CYP4F12: variants seen among roughly 807,000 people sequenced by gnomAD.
CYP4F12 encodes the protein cytochrome P450 4F12.
In CYP4F12, 60 loss-of-function variants were observed where a neutral mutation model predicts 56.5. The observed-to-expected ratio is 1.06, with a 90% CI of 0.86 to 1.32. The LOEUF (loss-of-function observed/expected upper bound fraction) is 1.32. Ranked by LOEUF, CYP4F12 falls within the 40% of genes most tolerant of loss-of-function variation. The pLI is 0.00. For missense variants in CYP4F12, 711 were observed against 683.5 expected (o/e 1.04, Z -0.45); for synonymous variants, 263 against 264.9 (o/e 0.99, Z 0.07).
At position 15,693,904 on chromosome 19, in the gene CYP4F12, T is replaced by A. The variant is rs1173486474; in HGVS notation, c.1116-2032T>A. ...AGGGATCTAGTTTCAGCTTTCTACA[T>A]ATGGCTAGCCAGTTTTCCCAGCACC... is the stretch of plus-strand genomic sequence containing the variant. On this transcript the variant is annotated intron_variant, in intron 9 of 12. Transcript: ENST00000550308. 2.2e-5 allele frequency among the ~76,000 whole-genome samples: 3 copies of A among 138,694 alleles called. 1 individual carries two copies. The highest frequency in any genetic ancestry group is 5.7e-5 in the African/African-American group (2 of 35,166). 91.0% of individuals were successfully genotyped at this position (138,694 alleles called of 152,430 possible). A position where few individuals can be genotyped will look rare whatever the true frequency, so the allele number is the denominator to read the frequency against.
At chr19:15,683,829 T>C in intron 7 of CYP4F12, 66 bp downstream of exon 7, 1 of 1,484,680 alleles carries the variant, frequency 6.7e-7, no homozygotes, top group Non-Finnish European at 8.9e-7. Flanking sequence ...TCAGGTGAAA[T>C]AAATTGGTTT....
chr19:15,695,517 CAA>C (rs2008085898), intron 9 of CYP4F12, among the ~76,000 whole-genome samples: 1 of 130,684 alleles, frequency 7.7e-6, no homozygotes, highest in Non-Finnish European at 1.7e-5. Flanking sequence ...AAAAAAAAAA[CAA>C]ATTGCATGAC....
rs376069087 is a variant in CYP4F12, at chr19:15,683,547, A to T, written c.702A>T (p.Lys234Asn). 15 of 1,613,580 alleles carry T rather than the reference A, an allele frequency of 9.3e-6. No homozygotes were observed. The African/African-American group carries it at 2.0e-4, about 22-fold the overall frequency. ...TGGAGCTCAGTGCCCTTGTAGAGAAAAGAAGCCAGCATATCCTCCAGCACA... is the reference window on the plus strand; with the variant it reads ...TGGAGCTCAGTGCCCTTGTAGAGAATAGAAGCCAGCATATCCTCCAGCACA... The part of the protein sequence containing the change: ...TILELSALVE[K>N]RSQHILQHMD... The change falls in exon 7 of 13, where the codon AAA becomes AAT. Residue 234 changes from lysine (K) to asparagine (N), a missense_variant. Transcript: ENST00000550308.
intron 6 of CYP4F12, among the ~76,000 whole-genome samples, chr19:15,683,100 G>A (rs986816945): frequency 6.6e-6 from 1 of 152,104 alleles, no homozygotes; most frequent in Middle Eastern, 3.2e-3. Flanking sequence ...GACAGAGAGA[G>A]AGAGAGAGAA....
In CYP4F12 at chr19:15,685,092, T is replaced by C. The variant is rs766823790; in HGVS notation, c.1010T>C (p.Leu337Pro). 3.7e-6 allele frequency: 6 copies of C among 1,613,910 alleles called. No homozygotes were observed. In the South Asian group the frequency reaches 6.6e-5, roughly 18 times the overall value. The change falls in exon 9 of 13, where the codon CTC (leucine) becomes CCC (proline). Residue 337 changes from leucine (L) to proline (P), a missense_variant. Leu to Pro is a moderately conservative substitution (Grantham distance 98, BLOSUM62 -3). Coordinates refer to ENST00000550308, the MANE Select transcript of CYP4F12 (RefSeq NM_023944.4). ...FGGHDTTASG[L>P]SWVLYNLARH... The stretch of plus-strand genomic sequence containing the variant: ...GGCCATGACACCACGGCCAGTGGCC[T>C]CTCCTGGGTCCTGTACAACCTTGCG...
At chr19:15,675,341 G>T (rs1309248529) in intron 2 of CYP4F12, among the ~76,000 whole-genome samples, 1 of 151,958 alleles carries the variant, frequency 6.6e-6, no homozygotes, top group Admixed American at 6.5e-5. Flanking sequence ...CATAAGTGAG[G>T]CTCTCCTAGG....
At position 15,684,843 on chromosome 19, in the gene CYP4F12, G is replaced by A. The variant is rs1194205179; in HGVS notation, c.946G>A (p.Glu316Lys). ...KDEDGKALSD[E>K]DIRAEADTFM... Reference sequence around the variant, plus strand: ...TGAAGATGGGAAGGCATTGTCAGATGAGGATATAAGAGCAGAGGCTGACAC... The same window carrying A: ...TGAAGATGGGAAGGCATTGTCAGATAAGGATATAAGAGCAGAGGCTGACAC... The change falls in exon 8 of 13, where the codon GAG becomes AAG. Residue 316 changes from glutamate to lysine, a missense_variant. Transcript: ENST00000550308. The A allele has an allele frequency of 4.4e-6, 7 of 1,609,104 alleles. No individual in the cohort carries two copies. The South Asian group carries it at 7.7e-5, about 18-fold the overall frequency.
chr19:15,687,279 A>G (rs2007662161), intron 9 of CYP4F12, among the ~76,000 whole-genome samples: 2 of 76,022 alleles, frequency 2.6e-5, no homozygotes, highest in South Asian at 6.7e-4. Flanking sequence ...TCTTTCTCAA[A>G]AAAAAAAAAA....
chr19:15,687,272 T>G (rs112436135), intron 9 of CYP4F12, among the ~76,000 whole-genome samples: 43,621 of 110,594 alleles, frequency 0.39, 7,036 homozygotes, highest in African/African-American at 0.52. Context: ...GTGAGACTCT[T>G]TCTCAAAAAA....
chr19:15,688,655 A>G (rs138020722), intron 9 of CYP4F12, among the ~76,000 whole-genome samples: 59 of 152,334 alleles, frequency 3.9e-4, no homozygotes, highest in Non-Finnish European at 6.5e-4. Context: ...AGTCAAAGCA[A>G]TACCAAGCAA....
chr19:15,684,853 G>T lies in CYP4F12; in HGVS notation c.956G>T (p.Arg319Ile). Reference sequence around the variant, plus strand: ...AAGGCATTGTCAGATGAGGATATAAGAGCAGAGGCTGACACCTTCATGTTT... The same window carrying T: ...AAGGCATTGTCAGATGAGGATATAATAGCAGAGGCTGACACCTTCATGTTT... ...DGKALSDEDI[R>I]AEADTFMFGG... Residue 319 changes from arginine to isoleucine, a missense_variant, in exon 8 of 13, where the codon AGA becomes ATA. Physicochemically the swap from Arg to Ile is moderately conservative, Grantham distance 97 (BLOSUM62 -3). Transcript: ENST00000550308. The T allele has an allele frequency of 1.2e-6, 2 of 1,608,968 alleles. No individual in the cohort carries two copies. Among genetic ancestry groups the T allele is most frequent in the Non-Finnish European group, 1.7e-6 (2 of 1,177,652 alleles).
chr19:15,685,632 C>A (rs1465414519), intron 9 of CYP4F12, among the ~76,000 whole-genome samples: 1 of 152,160 alleles, frequency 6.6e-6, no homozygotes, highest in Non-Finnish European at 1.5e-5. Flanking sequence ...TGGTATCCAA[C>A]CTGGCTAGCA....
At chr19:15,679,624 T>C (rs1341791775) in intron 3 of CYP4F12, among the ~76,000 whole-genome samples, 1 of 152,232 alleles carries the variant, frequency 6.6e-6, no homozygotes, top group Non-Finnish European at 1.5e-5. Context: ...TGACATGTGA[T>C]TTGAAATTGT....
intron 6 of CYP4F12, among the ~76,000 whole-genome samples, chr19:15,683,070 GAGAGAGAGAGAGACAGAGAGAC>G (rs2007394739): frequency 6.9e-6 from 1 of 145,024 alleles, no homozygotes; most frequent in Admixed American, 7.2e-5. Flanking sequence ...AAGAGAGAGG[GAGAGAGAGAGAGACAGAGAGAC>G]AGAGAGAGAG....
chr19:15,697,024 T>C lies in CYP4F12; in HGVS notation c.1514T>C (p.Ile505Thr). The C allele has an allele frequency of 6.2e-7, 1 of 1,614,208 alleles. No homozygotes were observed. Among genetic ancestry groups the C allele is most frequent in the East Asian group, 2.2e-5 (1 of 44,882 alleles). Residue 505 changes from isoleucine (I) to threonine (T), a missense_variant, in exon 13 of 13, where the codon ATC becomes ACC. Ile to Thr is a moderately conservative substitution (Grantham distance 89). Transcript: ENST00000550308. ...HTEPRRKLEL[I>T]MRAEGGLWLR... ...GAGCCCCGCAGGAAGCTGGAATTGA[T>C]CATGCGCGCCGAGGGCGGGCTTTGG...
rs1304089121 is a variant in CYP4F12 at position 15,696,178 on chromosome 19, G to A, written c.1267G>A (p.Asp423Asn). Residue 423 changes from aspartate to asparagine, a missense_variant, in exon 11 of 13, where the codon GAT (aspartate) becomes AAT (asparagine). Physicochemically the swap from Asp to Asn is conservative, Grantham distance 23 (BLOSUM62 1). Transcript: ENST00000550308. ...TCCCACAGGCATTACCTGCCTCATC[G>A]ATATTATAGGGGTCCATCACAACCC... The part of the protein sequence containing the change: ...VIPKGITCLI[D>N]IIGVHHNPTV... 1.2e-6 allele frequency: 2 copies of A among 1,613,902 alleles called. No homozygotes were observed. Among genetic ancestry groups the A allele is most frequent in the Non-Finnish European group, 1.7e-6 (2 of 1,179,996 alleles).
In CYP4F12 at chr19:15,684,897, G is replaced by C. The variant is rs928100771; in HGVS notation, c.985+15G>C. ...CATGTTTGGAGGTGAGGGTCCCAGT[G>C]TGGGACTACAGTGGAGACAGAGGTC... On this transcript the variant is annotated intron_variant, in intron 8 of 12. Coordinates refer to ENST00000550308, the MANE Select transcript of CYP4F12 (RefSeq NM_023944.4). The C allele has an allele frequency of 1.9e-6, 3 of 1,597,054 alleles. No homozygotes were observed. Among genetic ancestry groups the C allele is most frequent in the Admixed American group, 1.7e-5 (1 of 59,196 alleles).
intron 12 of CYP4F12, 112 bp downstream of exon 12, chr19:15,696,624 C>T: frequency 7.5e-7 from 1 of 1,327,692 alleles, no homozygotes; most frequent in Non-Finnish European, 1.1e-6. Flanking sequence ...CATTCCTTCA[C>T]AGTTTATGGG....
intron 8 of CYP4F12, 52 bp from the exon 9 acceptor site, chr19:15,685,016 G>A (rs1397672819): frequency 1.3e-6 from 2 of 1,595,730 alleles, no homozygotes; most frequent in South Asian, 1.1e-5. Flanking sequence ...TCAATATCTG[G>A]GCGCTGTCCA....
Sources: gnomAD v4.1 joint callset for allele counts (sites outside exome capture counted in the v4.1 genomes callset) on GRCh38, gnomAD v4.1.1 for gene constraint, MANE v1.5 for transcripts, NCBI Gene and HGNC (gene_info 2026-07-23, HGNC 2026-07-21) for gene names.